Variants in TP63 observed in about 807,000 individuals in gnomAD.
TP63 encodes the protein tumor protein p63.
In TP63, 17 loss-of-function variants were observed where a neutral mutation model predicts 82.8. The observed-to-expected ratio is 0.21, with a 90% confidence interval of 0.14 to 0.31. TP63 has a LOEUF of 0.31. Ranked by LOEUF, TP63 falls within the 10% of genes least tolerant of loss-of-function variation. The probability of loss-of-function intolerance (pLI) is 1.00; values close to 1 mark genes in which losing one functional copy is unlikely to be tolerated. For missense variants in TP63, 648 were observed against 895.3 expected (o/e 0.72, Z 3.52); for synonymous variants, 330 against 321.7 (o/e 1.03, Z -0.28).
Position 189,874,366 on chromosome 3 carries a change from C to T in TP63, c.1349+1371C>T, listed in dbSNP as rs536504261. ...GGATTACAGGTGTGGGCCACCGTGC[C>T]GGCCTTGTTATTATGTTTTAATCAA... On this transcript the variant is annotated intron_variant, in intron 10 of 13. Coordinates refer to ENST00000264731, the MANE Select transcript of TP63 (RefSeq NM_003722.5). Among the ~76,000 whole-genome samples the T allele has an allele frequency of 2.1e-4, 32 of 152,236 alleles. No individual in the cohort carries two copies. In the East Asian group the frequency reaches 2.7e-3, roughly 13 times the overall value.
intron 4 of TP63, among the ~76,000 whole-genome samples, chr3:189,839,647 G>A (rs929831201): frequency 2.0e-5 from 3 of 152,158 alleles, no homozygotes; most frequent in African/African-American, 7.2e-5. Flanking sequence ...TACTTGTCTA[G>A]CAGTTAAACT....
intron 3 of TP63, among the ~76,000 whole-genome samples, chr3:189,768,340 AT>A (rs1723101380): frequency 6.6e-6 from 1 of 152,154 alleles, no homozygotes; most frequent in Non-Finnish European, 1.5e-5. Context: ...TTAAGGGGTG[AT>A]TTTGTATAGA....
chr3:189,703,574 A>C (rs145619293), intron 1 of TP63, among the ~76,000 whole-genome samples: 43 of 152,324 alleles, frequency 2.8e-4, no homozygotes, highest in African/African-American at 1.0e-3. Context: ...ATAAGATGAT[A>C]TTGAAAGAAA....
chr3:189,795,632 T>C (rs1725616656), intron 3 of TP63, among the ~76,000 whole-genome samples: 1 of 152,006 alleles, frequency 6.6e-6, no homozygotes, highest in African/African-American at 2.4e-5. Context: ...GAAAATGTGT[T>C]GGTTTAAACA....
chr3:189,798,036 C>A (rs1297333000), intron 3 of TP63, among the ~76,000 whole-genome samples: 1 of 152,038 alleles, frequency 6.6e-6, no homozygotes, highest in Non-Finnish European at 1.5e-5. Flanking sequence ...TATCCTTTGA[C>A]TGAAGACCCT....
At chr3:189,681,566 T>C (rs1353674982) in intron 1 of TP63, among the ~76,000 whole-genome samples, 1 of 152,196 alleles carries the variant, frequency 6.6e-6, no homozygotes, top group African/African-American at 2.4e-5. Context: ...AGCCAGGCTC[T>C]ATATTTCAGC....
intron 3 of TP63, among the ~76,000 whole-genome samples, chr3:189,790,564 T>C (rs1050312589): frequency 2.0e-5 from 3 of 147,882 alleles, no homozygotes; most frequent in Non-Finnish European, 4.5e-5. Context: ...GTCTTAGGTA[T>C]TTAAACCTGT....
chr3:189,776,945 G>A lies in TP63; in HGVS notation c.325-31327G>A, dbSNP rs573528609. Among the ~76,000 whole-genome samples the A allele has an allele frequency of 6.6e-5, 10 of 152,162 alleles. No individual in the cohort carries two copies. In the South Asian group the frequency reaches 1.0e-3, roughly 16 times the overall value. On this transcript the variant is annotated intron_variant, in intron 3 of 13. Coordinates refer to ENST00000264731, the MANE Select transcript of TP63 (RefSeq NM_003722.5). ...CTTTCAATTCACATGAAAGGCTTCC[G>A]TTTGCAATCCAAGGAATTGAAATAT...
intron 3 of TP63, among the ~76,000 whole-genome samples, chr3:189,774,733 A>G (rs1723648267): frequency 6.6e-6 from 1 of 152,210 alleles, no homozygotes; most frequent in African/African-American, 2.4e-5. Flanking sequence ...CACTGCTACC[A>G]ACCTAGAAAG....
chr3:189,892,391 T>C (rs889047171), intron 13 of TP63, among the ~76,000 whole-genome samples: 3 of 152,192 alleles, frequency 2.0e-5, no homozygotes, highest in African/African-American at 7.2e-5. Flanking sequence ...CAGTCATTAG[T>C]TAAAATCCAT....
chr3:189,781,100 C>T (rs1724195808), intron 3 of TP63, among the ~76,000 whole-genome samples: 1 of 152,082 alleles, frequency 6.6e-6, no homozygotes, highest in South Asian at 2.1e-4. Flanking sequence ...GTCGTACTTG[C>T]AAGAGGCTGA....
At chr3:189,673,348 A>G (rs1468080808) in intron 1 of TP63, among the ~76,000 whole-genome samples, 8 of 152,158 alleles carry the variant, frequency 5.3e-5, no homozygotes, top group Admixed American at 5.2e-4. Context: ...GGGAAAGTTT[A>G]TTCTTGGCAA....
intron 3 of TP63, among the ~76,000 whole-genome samples, chr3:189,773,443 A>G (rs1435346015): frequency 6.6e-6 from 1 of 152,222 alleles, no homozygotes. Flanking sequence ...CCTGTTAGAG[A>G]TCTCTCTGAG....
intron 3 of TP63, among the ~76,000 whole-genome samples, chr3:189,763,318 C>T (rs1408270231): frequency 1.3e-5 from 2 of 152,062 alleles, no homozygotes; most frequent in Non-Finnish European, 2.9e-5. Context: ...GGCTATATTA[C>T]TTTAGAGACA....
chr3:189,608,035 C>G, the TP63 span, among the ~76,000 whole-genome samples: 2 of 152,050 alleles, frequency 1.3e-5, no homozygotes, highest in African/African-American at 4.8e-5. Context: ...ATGAAGATCT[C>G]TGATAACAAC....
intron 1 of TP63, among the ~76,000 whole-genome samples, chr3:189,689,098 C>CTTT (rs1383931117): frequency 0.031 from 2,604 of 85,134 alleles, 900 homozygotes; most frequent in Middle Eastern, 0.062. Context: ...TCAAATCTAC[C>CTTT]TTTTTCTTTT....
intron 1 of TP63, among the ~76,000 whole-genome samples, chr3:189,681,866 A>G (rs1281875585): frequency 6.6e-6 from 1 of 152,188 alleles, no homozygotes; most frequent in Non-Finnish European, 1.5e-5. Flanking sequence ...TTTGTTACCT[A>G]GGGAACCAGG....
intron 4 of TP63, among the ~76,000 whole-genome samples, chr3:189,830,464 A>G (rs1397994635): frequency 6.6e-6 from 1 of 152,102 alleles, no homozygotes; most frequent in Non-Finnish European, 1.5e-5. Context: ...GGACTGAAAA[A>G]CCTCCAGTTT....
upstream of TP63, chr3:189,631,355 C>CAA: frequency 6.8e-7 from 1 of 1,475,948 alleles, no homozygotes; most frequent in South Asian, 1.3e-5. Context: ...CGCCTCTTTG[C>CAA]AAATATGTAT....
Sources: allele counts gnomAD v4.1 joint callset (sites outside exome capture counted in the v4.1 genomes callset), GRCh38; gene constraint gnomAD v4.1.1; transcripts MANE v1.5; gene names NCBI Gene and HGNC (gene_info 2026-07-23, HGNC 2026-07-21).